Variants in MED12L observed in about 807,000 individuals in gnomAD.
The protein encoded by MED12L is mediator of RNA polymerase II transcription subunit 12-like protein.
A neutral mutation model predicts 281.3 loss-of-function variants in MED12L; 60 were observed. The observed-to-expected ratio is 0.21, with a 90% CI of 0.17 to 0.26. The LOEUF is 0.26. MED12L is among the 10% of genes least tolerant of loss of function. The pLI, the probability that MED12L is intolerant of heterozygous loss-of-function variation, is 1.00. For synonymous variants in MED12L, 974 were observed against 987.2 expected (o/e 0.99, Z 0.25); for missense variants, 2,146 against 2,680.9 (o/e 0.80, Z 4.41).
chr3:151,276,789 G>A (rs1214761958), intron 16 of MED12L, among the ~76,000 whole-genome samples: 3 of 152,144 alleles, frequency 2.0e-5, no homozygotes, highest in Non-Finnish European at 2.9e-5. Context: ...AGTGGGCACC[G>A]TAATACTTCA....
intron 16 of MED12L, among the ~76,000 whole-genome samples, chr3:151,245,206 A>C (rs528422743): frequency 6.6e-6 from 1 of 152,340 alleles, no homozygotes; most frequent in South Asian, 2.1e-4. Context: ...AGGAACTGGT[A>C]CCATTCCTTC....
At chr3:151,120,095 G>C (rs1380887704) in intron 3 of MED12L, among the ~76,000 whole-genome samples, 2 of 150,590 alleles carry the variant, frequency 1.3e-5, no homozygotes, top group South Asian at 4.2e-4. Flanking sequence ...TGTGGTGGTC[G>C]GCACCCATAA....
chr3:151,301,059 G>A (rs547264559), intron 16 of MED12L, among the ~76,000 whole-genome samples: 1 of 152,158 alleles, frequency 6.6e-6, no homozygotes, highest in South Asian at 2.1e-4. Flanking sequence ...GAACAGCTCC[G>A]GTATGTGGTA....
chr3:151,206,748 C>T (rs926801550), intron 16 of MED12L, among the ~76,000 whole-genome samples: 5 of 136,080 alleles, frequency 3.7e-5, no homozygotes, highest in African/African-American at 1.1e-4. Flanking sequence ...AGGTTCACGC[C>T]GTTCTCCTGC....
chr3:151,151,058 A>G (rs148056287), intron 5 of MED12L, among the ~76,000 whole-genome samples: 1,512 of 7,938 alleles, frequency 0.19, 42 homozygotes, highest in East Asian at 0.43. Context: ...TTTTTTTGAG[A>G]TAGAGTCTCA....
chr3:151,260,164 A>G lies in MED12L; in HGVS notation c.2250+66498A>G, dbSNP rs149858993. ...TTCAGTTGTGGAAAGAATGAGGGCT[A>G]GTAAACTTAATGGACACGGTGTTTA... is the stretch of plus-strand genomic sequence containing the variant. On this transcript the variant is annotated intron_variant, in intron 16 of 44. Coordinates refer to ENST00000687756, the MANE Select transcript of MED12L (RefSeq NM_001393769.1). 1.2e-3 allele frequency among the ~76,000 whole-genome samples: 187 copies of G among 152,340 alleles called. 2 individuals are homozygous for G. In the East Asian group the frequency reaches 0.033, roughly 27 times the overall value.
At chr3:151,357,120 A>AATG in intron 19 of MED12L, 93 bp from the exon 20 acceptor site, 1 of 1,052,768 alleles carries the variant, frequency 9.5e-7, no homozygotes, top group Non-Finnish European at 1.3e-6. Context: ...TTTGTAGTGT[A>AATG]ATGACTCAGT....
At chr3:151,389,449 AG>A (rs1376158876) in intron 37 of MED12L, among the ~76,000 whole-genome samples, 1 of 152,180 alleles carries the variant, frequency 6.6e-6, no homozygotes, top group Non-Finnish European at 1.5e-5. Flanking sequence ...TGATCCTTAC[AG>A]GCTTTGCAGC....
chr3:151,238,125 G>A lies in MED12L; in HGVS notation c.2250+44459G>A, dbSNP rs566035605. Among the ~76,000 whole-genome samples, 477 of 145,974 alleles carry A rather than the reference G, an allele frequency of 3.3e-3. 4 individuals carry two copies. The highest frequency in any genetic ancestry group is 0.012 in the African/African-American group (462 of 39,156). On this transcript the variant is annotated intron_variant, in intron 16 of 44. Transcript: ENST00000687756. The stretch of plus-strand genomic sequence containing the variant: ...TTTCTGTCCTAAAGTTTAGAACAGT[G>A]CACATTTTTTCTTTTTTCTTTTTCT...
At chr3:151,154,536 C>G (rs770625229) in intron 5 of MED12L, among the ~76,000 whole-genome samples, 4 of 151,946 alleles carry the variant, frequency 2.6e-5, no homozygotes, top group African/African-American at 4.8e-5. Flanking sequence ...GAGATATACC[C>G]TAGACAAAAT....
In MED12L at chr3:151,435,737, T is replaced by TAATTCATATAATACA. The variant is rs1377300012; in HGVS notation, c.*2933_*2934insAATTCATATAATACA. The TAATTCATATAATACA allele has an allele frequency of 6.6e-6, 1 of 152,170 alleles. No homozygotes were observed. The highest frequency in any genetic ancestry group is 6.5e-5 in the Admixed American group (1 of 15,276). 9.4% of individuals were successfully genotyped at this position (152,170 alleles called of 1,614,324 possible). A position where few individuals can be genotyped will look rare whatever the true frequency, so the allele number is the denominator to read the frequency against. On this transcript the variant is annotated 3_prime_UTR_variant, in exon 45 of 45. Transcript: ENST00000687756. ...TTAATATTCCCCAAATTAATTCAGG[T>TAATTCATATAATACA]TGAATTAAGCATGTAATATAAATTC...
At chr3:151,158,391 C>T (rs185884168) in intron 6 of MED12L, among the ~76,000 whole-genome samples, 94 of 152,162 alleles carry the variant, frequency 6.2e-4, no homozygotes, top group African/African-American at 2.2e-3. Flanking sequence ...AGTTCATACT[C>T]CCCCGAAATC....
At chr3:151,216,855 G>C (rs1469089202) in intron 16 of MED12L, among the ~76,000 whole-genome samples, 1 of 152,148 alleles carries the variant, frequency 6.6e-6, no homozygotes, top group Non-Finnish European at 1.5e-5. Flanking sequence ...TAACTAATTT[G>C]TCTGGTAACT....
chr3:151,144,188 T>C (rs1717440715), intron 5 of MED12L, among the ~76,000 whole-genome samples: 1 of 152,110 alleles, frequency 6.6e-6, no homozygotes, highest in South Asian at 2.1e-4. Flanking sequence ...TTCTAAGGGC[T>C]AAAATTGGAT....
intron 5 of MED12L, among the ~76,000 whole-genome samples, chr3:151,150,963 T>C (rs1310940269): frequency 6.6e-6 from 1 of 150,868 alleles, no homozygotes; most frequent in Non-Finnish European, 1.5e-5. Flanking sequence ...TCCAGACTGC[T>C]GAAACTTGCT....
intron 30 of MED12L, 44 bp from the exon 31 acceptor site, chr3:151,377,968 G>C: frequency 6.6e-7 from 1 of 1,524,066 alleles, no homozygotes; most frequent in Non-Finnish European, 8.9e-7. Context: ...TGAGAGCAGG[G>C]GAAAGGATGC....
At chr3:151,357,412 C>T (rs749597768) in intron 20 of MED12L, 36 bp downstream of exon 20, 15 of 1,525,172 alleles carry the variant, frequency 9.8e-6, no homozygotes, top group Non-Finnish European at 1.3e-5. Context: ...TTTTTCCAAT[C>T]TCAGAATGTA....
chr3:151,136,460 G>T (rs1716154226), intron 5 of MED12L, among the ~76,000 whole-genome samples: 1 of 152,244 alleles, frequency 6.6e-6, no homozygotes, highest in Non-Finnish European at 1.5e-5. Flanking sequence ...AGATTGGACA[G>T]AAGTGCTTGT....
At chr3:151,123,176 C>T (rs1333288219) in intron 4 of MED12L, among the ~76,000 whole-genome samples, 1 of 152,032 alleles carries the variant, frequency 6.6e-6, no homozygotes, top group African/African-American at 2.4e-5. Flanking sequence ...CTATAAATCC[C>T]TAAACATTCT....
Sources: allele counts gnomAD v4.1 joint callset (sites outside exome capture counted in the v4.1 genomes callset), GRCh38; gene constraint gnomAD v4.1.1; transcripts MANE v1.5; gene names NCBI Gene and HGNC (gene_info 2026-07-23, HGNC 2026-07-21).